Variants in ZNF582 observed in about 807,000 individuals in gnomAD.
ZNF582 encodes the protein zinc finger protein 582.
ZNF582 carries 14 observed loss-of-function variants against 12.3 expected under a neutral mutation model. That is an observed-to-expected ratio of 1.14 (90% CI 0.75 to 1.78). The LOEUF is 1.78. Among genes scored for constraint, ZNF582 ranks in the 40% most tolerant of loss-of-function variants. ZNF582 has a pLI of 0.00. For synonymous variants in ZNF582, 210 were observed against 207.2 expected, an observed-to-expected ratio of 1.01 and a Z score of -0.11; for missense variants, 567 against 616.5, an observed-to-expected ratio of 0.92 and a Z score of 0.85.
At chr19:56,386,458 G>A (rs2147509139) in intron 4 of ZNF582, 1 of 152,384 alleles carries the variant, frequency 6.6e-6, no homozygotes, top group South Asian at 2.1e-4. Flanking sequence ...AGGTGACCTT[G>A]GAAAAAGAAG....
At chr19:56,384,745 C>T (rs145124996) in exon 5 of ZNF582, 1 of 1,604,380 alleles carries the variant, frequency 6.2e-7, no homozygotes, top group Admixed American at 1.7e-5. Context: ...CATATGGTTT[C>T]TTACCAGAAT....
exon 4 of ZNF582, chr19:56,390,002 T>C (rs758529110): frequency 6.2e-7 from 1 of 1,613,808 alleles, no homozygotes; most frequent in Admixed American, 1.7e-5. Context: ...CTCACTCACC[T>C]GGACACAGGC....
At chr19:56,383,926 G>A in exon 5 of ZNF582, 3 of 1,609,628 alleles carry the variant, frequency 1.9e-6, no homozygotes, top group Non-Finnish European at 1.7e-6. Flanking sequence ...TAAATTCTCT[G>A]ATGATTAGTA....
At chr19:56,387,884 GA>G (rs1249433253) in intron 4 of ZNF582, among the ~76,000 whole-genome samples, 2 of 152,144 alleles carry the variant, frequency 1.3e-5, no homozygotes, top group Non-Finnish European at 2.9e-5. Flanking sequence ...TCTCCTTTTA[GA>G]AACATAAAAT....
Position 56,384,484 on chromosome 19 carries a change from A to C in ZNF582, c.933T>G (p.Tyr311Ter). Residue 311 changes from tyrosine to a stop codon, truncating the protein, a stop_gained, in exon 5 of 5, where the codon TAT becomes TAG. Coordinates refer to ENST00000586929, the Ensembl canonical transcript of ZNF582. LOFTEE classifies it low-confidence loss of function (END_TRUNC). Reference sequence around the variant, plus strand: ...AGGTTTTCCCACATTCCTTGCATGCATAGGGTTTTTCACCAGTATGAATTC... The same window carrying C: ...AGGTTTTCCCACATTCCTTGCATGCCTAGGGTTTTTCACCAGTATGAATTC... 1 of 1,608,072 alleles carries C rather than the reference A, an allele frequency of 6.2e-7. No homozygotes were observed. Among genetic ancestry groups the C allele is most frequent in the Non-Finnish European group, 8.5e-7 (1 of 1,176,650 alleles).
Position 56,383,838 on chromosome 19 carries a change from GAAGT to G in ZNF582, c.*21_*24del, listed in dbSNP as rs546969537. The G allele has an allele frequency of 3.0e-4, 463 of 1,521,832 alleles. 1 individual carries two copies. The African/African-American group carries it at 4.2e-3, about 14-fold the overall frequency. 94.3% of individuals were successfully genotyped at this position (1,521,832 alleles called of 1,614,324 possible). On this transcript the variant is annotated 3_prime_UTR_variant, in exon 5 of 5. Transcript: ENST00000586929. ...TCTTCAAGTCTTTCTCCAAGAGGGA[GAAGT>G]AAGTCACAGTCACAATTAGCCTAGG...
rs552644394 is a variant in ZNF582 at position 56,383,846 on chromosome 19, T to C, written c.*17A>G. On this transcript the variant is annotated 3_prime_UTR_variant, in exon 5 of 5. Coordinates refer to ENST00000586929, the Ensembl canonical transcript of ZNF582. ...TCTTTCTCCAAGAGGGAGAAGTAAG[T>C]CACAGTCACAATTAGCCTAGGCTAA... 6 of 1,526,788 alleles carry C rather than the reference T, an allele frequency of 3.9e-6. No individual in the cohort carries two copies. In the South Asian group the frequency reaches 8.0e-5, roughly 20 times the overall value. The allele number at this position is 1,526,788 out of a possible 1,614,324, so 94.6% of individuals were successfully genotyped here. A position where few individuals can be genotyped will look rare whatever the true frequency, so the allele number is the denominator to read the frequency against.
intron 4 of ZNF582, among the ~76,000 whole-genome samples, chr19:56,389,456 A>AT (rs1427196760): frequency 2.6e-5 from 4 of 152,300 alleles, no homozygotes; most frequent in Admixed American, 2.0e-4. Flanking sequence ...GTTCTCACTT[A>AT]TAAGTGGGAG....
chr19:56,387,228 G>A (rs563451776), intron 4 of ZNF582, among the ~76,000 whole-genome samples: 11 of 152,104 alleles, frequency 7.2e-5, no homozygotes, highest in Admixed American at 5.9e-4. Context: ...TCTATGTTAC[G>A]TATTTCTATA....
intron 1 of ZNF582, among the ~76,000 whole-genome samples, chr19:56,392,383 TGGAA>T (rs1370996790): frequency 6.6e-6 from 1 of 152,214 alleles, no homozygotes; most frequent in Non-Finnish European, 1.5e-5. Context: ...GGGATAGAGT[TGGAA>T]GGAACAGTAA....
chr19:56,392,031 C>T (rs982608139), intron 1 of ZNF582, among the ~76,000 whole-genome samples, 199 bp from the exon 2 acceptor site: 14 of 152,182 alleles, frequency 9.2e-5, no homozygotes, highest in Admixed American at 7.2e-4. Context: ...CCTTTCCCTC[C>T]CATTTCCCCT....
At chr19:56,387,612 A>AGGG (rs1568785888) in intron 4 of ZNF582, 8 of 151,372 alleles carry the variant, frequency 5.3e-5, no homozygotes, top group Non-Finnish European at 1.0e-4. Context: ...TCTTTTTTGC[A>AGGG]GGGGAGATGG....
In ZNF582 at chr19:56,384,019, G is replaced by A. The variant is rs185773528; in HGVS notation, c.1398C>T (p.Thr466=). ...TATTATGCATTCTCTGAGGTTGAAC[G>A]GTAGTTGAATCATGACTCAAGGTCT... The change falls in exon 5 of 5, where the codon ACC becomes ACT. Residue 466 remains threonine, a synonymous_variant. Coordinates refer to ENST00000586929, the Ensembl canonical transcript of ZNF582. 1.7e-5 allele frequency: 27 copies of A among 1,613,524 alleles called. No individual in the cohort carries two copies. In the East Asian group the frequency reaches 2.2e-4, roughly 13 times the overall value.
At chr19:56,383,019 C>A (rs1010753916) in exon 5 of ZNF582, 1 of 152,204 alleles carries the variant, frequency 6.6e-6, no homozygotes, top group Non-Finnish European at 1.5e-5. Flanking sequence ...GAAGCCCCGG[C>A]AGATTCCACT....
chr19:56,392,463 GAC>G (rs1242305707), intron 1 of ZNF582, among the ~76,000 whole-genome samples: 3 of 152,224 alleles, frequency 2.0e-5, no homozygotes, highest in Non-Finnish European at 4.4e-5. Flanking sequence ...CTTCCATAGA[GAC>G]ACAGCAGTGC....
intron 4 of ZNF582, among the ~76,000 whole-genome samples, chr19:56,386,969 C>G (rs1328482147): frequency 2.0e-5 from 3 of 152,222 alleles, no homozygotes; most frequent in Non-Finnish European, 1.5e-5. Context: ...TTCAAATGCA[C>G]CTTTTCATAC....
chr19:56,390,218 T>C, intron 3 of ZNF582, 122 bp from the exon 4 acceptor site: 1 of 1,346,072 alleles, frequency 7.4e-7, no homozygotes, highest in South Asian at 1.3e-5. Flanking sequence ...ATGGGACAGT[T>C]GCCTGGGGGT....
rs537828424 is a variant in ZNF582, at chr19:56,384,339, T to C, written c.1078A>G (p.Ile360Val). Residue 360 changes from isoleucine to valine, a missense_variant, in exon 5 of 5, where the codon ATT becomes GTT. Ile to Val is a conservative substitution (Grantham distance 29). Transcript: ENST00000586929. ...TCATAGGGTTTCTCACCGGTATGAA[T>C]TCTCTGATGTCGTATAAGAGTTGAG... is the stretch of plus-strand genomic sequence containing the variant. The C allele has an allele frequency of 2.5e-5, 40 of 1,613,762 alleles. No homozygotes were observed. The East Asian group carries it at 7.8e-4, about 31-fold the overall frequency.
exon 5 of ZNF582, chr19:56,384,614 G>A: frequency 6.2e-7 from 1 of 1,614,036 alleles, no homozygotes; most frequent in Middle Eastern, 1.6e-4. Flanking sequence ...AATCAACTGT[G>A]AGCTTCGACT....
Sources: gnomAD v4.1 joint callset for allele counts (sites outside exome capture counted in the v4.1 genomes callset) on GRCh38, gnomAD v4.1.1 for gene constraint, MANE v1.5 for transcripts, NCBI Gene and HGNC (gene_info 2026-07-23, HGNC 2026-07-21) for gene names.